DNTT: variants seen among roughly 807,000 people sequenced by gnomAD.
The protein encoded by DNTT is nucleosidetriphosphate:DNA deoxynucleotidylexotransferase.
DNTT carries 47 observed loss-of-function variants against 60.9 expected under a neutral mutation model. The observed-to-expected ratio is 0.77, with a 90% confidence interval of 0.61 to 0.98. DNTT has a LOEUF of 0.98. DNTT is among the 50% of genes least tolerant of loss of function. The pLI, the probability that DNTT is intolerant of heterozygous loss-of-function variation, is 0.00. For synonymous variants in DNTT, 224 were observed against 221.2 expected, an observed-to-expected ratio of 1.01 and a Z score of -0.11; for missense variants, 665 against 627.5, an observed-to-expected ratio of 1.06 and a Z score of -0.64.
In DNTT at chr10:96,335,913, G is replaced by T. The variant is rs779846062; in HGVS notation, c.1382G>T (p.Arg461Leu). ...GSRQFERDLR[R>L]YATHERKMIL... ...CAGCAGTTTGAGAGAGACCTCCGGC[G>T]CTATGCCACACATGAGCGGAAGATG... The change falls in exon 10 of 11, where the codon CGC becomes CTC. Residue 461 changes from arginine (R) to leucine (L), a missense_variant. Physicochemically the swap from Arg to Leu is moderately radical, Grantham distance 102. Coordinates refer to ENST00000371174, the MANE Select transcript of DNTT (RefSeq NM_004088.4). The T allele has an allele frequency of 1.2e-6, 2 of 1,614,110 alleles. No individual in the cohort carries two copies. The highest frequency in any genetic ancestry group is 2.2e-5 in the East Asian group (1 of 44,890).
intron 9 of DNTT, among the ~76,000 whole-genome samples, chr10:96,333,469 G>A (rs1845031629): frequency 1.3e-5 from 2 of 152,320 alleles, no homozygotes; most frequent in South Asian, 2.1e-4. Flanking sequence ...TGGGTATATA[G>A]CCAAAGGAAA....
At chr10:96,333,760 C>G (rs1196055320) in intron 9 of DNTT, among the ~76,000 whole-genome samples, 2 of 152,048 alleles carry the variant, frequency 1.3e-5, no homozygotes, top group East Asian at 3.9e-4. Context: ...TATGTAGAAT[C>G]TAAAACAGTC....
chr10:96,336,169 A>G (rs570555383), intron 10 of DNTT, among the ~76,000 whole-genome samples, 195 bp downstream of exon 10: 2 of 152,336 alleles, frequency 1.3e-5, no homozygotes, highest in South Asian at 4.1e-4. Flanking sequence ...CCAGAATGCA[A>G]TTCGAGAGAT....
chr10:96,323,255 T>C (rs6584068), intron 5 of DNTT, among the ~76,000 whole-genome samples: 141,586 of 152,092 alleles, frequency 0.93, 66,726 homozygotes, highest in East Asian at 1. Context: ...GCTGAGATCA[T>C]GCCACTGTAC....
Position 96,332,351 on chromosome 10 carries a change from G to C in DNTT, c.1114G>C (p.Gly372Arg). Residue 372 changes from glycine (G) to arginine (R), a missense_variant and splice_region_variant, in exon 9 of 11, where the codon GGA becomes CGA. Gly to Arg is a moderately radical substitution (Grantham distance 125). Transcript: ENST00000371174. ...CTGATGCCATTCTGTTTCTTTTCAGGGATTACTTTTATATTATGACCTTGT... is the reference window on the plus strand; with the variant it reads ...CTGATGCCATTCTGTTTCTTTTCAGCGATTACTTTTATATTATGACCTTGT... Reference protein sequence around the residue: ...QKVMNLWEKKGLLLYYDLVES... With the variant: ...QKVMNLWEKKRLLLYYDLVES... 6.2e-7 allele frequency: 1 copy of C among 1,611,934 alleles called. No individual in the cohort carries two copies. Among genetic ancestry groups the C allele is most frequent in the Non-Finnish European group, 8.5e-7 (1 of 1,178,376 alleles).
chr10:96,305,248 G>A (rs897742143), intron 1 of DNTT, among the ~76,000 whole-genome samples: 3 of 152,160 alleles, frequency 2.0e-5, no homozygotes, highest in Non-Finnish European at 2.9e-5. Context: ...CTTAGAAAGA[G>A]AGATGCTAGG....
At chr10:96,314,996 A>C (rs1448674235) in intron 1 of DNTT, among the ~76,000 whole-genome samples, 1 of 152,194 alleles carries the variant, frequency 6.6e-6, no homozygotes, top group Non-Finnish European at 1.5e-5. Context: ...CGGAGCTGAA[A>C]GTGAACAACA....
chr10:96,304,716 T>A lies in DNTT; in HGVS notation c.203+16T>A. On this transcript the variant is annotated intron_variant, in intron 1 of 10. Transcript: ENST00000371174. ...ATGAGCTCAGGTAGGACAGCATCGA[T>A]CTTGCTTTGTAAATAAGCAGAGGCT... 6.2e-7 allele frequency: 1 copy of A among 1,609,918 alleles called. No homozygotes were observed. Among genetic ancestry groups the A allele is most frequent in the Non-Finnish European group, 8.5e-7 (1 of 1,177,628 alleles).
intron 6 of DNTT, among the ~76,000 whole-genome samples, chr10:96,326,634 T>A (rs1461043068): frequency 2.6e-5 from 4 of 152,196 alleles, no homozygotes; most frequent in African/African-American, 9.7e-5. Context: ...CTTAGGCTTT[T>A]CAAAAGAAAG....
At position 96,338,249 on chromosome 10, in the gene DNTT, CT is replaced by C; in HGVS notation, c.*26del. ...GGAAAGTGTTGTCAACATTTTTTTCCTATTCTTTTCAAGTTAAATAAATTAT... is the reference window on the plus strand; with the variant it reads ...GGAAAGTGTTGTCAACATTTTTTTCCATTCTTTTCAAGTTAAATAAATTAT... On this transcript the variant is annotated 3_prime_UTR_variant, in exon 11 of 11. Coordinates refer to ENST00000371174, the MANE Select transcript of DNTT (RefSeq NM_004088.4). 1 of 1,588,884 alleles carries C rather than the reference CT, an allele frequency of 6.3e-7. No homozygotes were observed. Among genetic ancestry groups the C allele is most frequent in the African/African-American group, 1.4e-5 (1 of 73,930 alleles).
chr10:96,304,664 C>T lies in DNTT; in HGVS notation c.167C>T (p.Ala56Val). The change falls in exon 1 of 11, where the codon GCC becomes GTC. Residue 56 changes from alanine (A) to valine (V), a missense_variant. Physicochemically the swap from Ala to Val is moderately conservative, Grantham distance 64. Coordinates refer to ENST00000371174, the MANE Select transcript of DNTT (RefSeq NM_004088.4). ...CGCAGAGCGTTCCTCATGGAGCTGGCCCGCAGGAAAGGGTTCAGGGTTGAA... is the reference window on the plus strand; with the variant it reads ...CGCAGAGCGTTCCTCATGGAGCTGGTCCGCAGGAAAGGGTTCAGGGTTGAA... ...TTRRAFLMEL[A>V]RRKGFRVENE... The T allele has an allele frequency of 1.2e-6, 2 of 1,614,054 alleles. No individual in the cohort carries two copies. The highest frequency in any genetic ancestry group is 1.7e-6 in the Non-Finnish European group (2 of 1,179,996).
At chr10:96,322,111 C>T (rs1217613822) in intron 4 of DNTT, among the ~76,000 whole-genome samples, 1 of 152,036 alleles carries the variant, frequency 6.6e-6, no homozygotes, top group East Asian at 1.9e-4. Flanking sequence ...ATTTACTGAA[C>T]GGTGTTTAGG....
Position 96,320,619 on chromosome 10 carries a change from A to G in DNTT, c.509A>G (p.Asp170Gly). The change falls in exon 4 of 11, where the codon GAT becomes GGT. Residue 170 changes from aspartate to glycine, a missense_variant and splice_region_variant. Physicochemically the swap from Asp to Gly is moderately conservative, Grantham distance 94. Coordinates refer to ENST00000371174, the MANE Select transcript of DNTT (RefSeq NM_004088.4). ...TGCTTATCTGGTTTTATCCTGCAGG[A>G]TGCCTTTGATATACTGGCTGAAAAC... ...TLNNCNQIFT[D>G]AFDILAENCE... 1 of 1,613,504 alleles carries G rather than the reference A, an allele frequency of 6.2e-7. No homozygotes were observed. Among genetic ancestry groups the G allele is most frequent in the Non-Finnish European group, 8.5e-7 (1 of 1,179,608 alleles).
At chr10:96,325,814 T>C (rs1026861682) in intron 6 of DNTT, among the ~76,000 whole-genome samples, 1 of 152,260 alleles carries the variant, frequency 6.6e-6, no homozygotes, top group African/African-American at 2.4e-5. Context: ...AAGGGTAAGC[T>C]AATTGAACAT....
At chr10:96,321,084 G>A (rs142240783) in intron 4 of DNTT, among the ~76,000 whole-genome samples, 30 of 152,210 alleles carry the variant, frequency 2.0e-4, no homozygotes, top group African/African-American at 7.2e-4. Flanking sequence ...CAGAGTTACC[G>A]ATAGTGAATC....
At chr10:96,329,884 C>T (rs1844986017) in intron 8 of DNTT, among the ~76,000 whole-genome samples, 1 of 152,230 alleles carries the variant, frequency 6.6e-6, no homozygotes, top group South Asian at 2.1e-4. Context: ...CTGAGTGCAT[C>T]TCCCTCCTGC....
Position 96,335,960 on chromosome 10 carries a change from T to C in DNTT, c.1429T>C (p.Tyr477His). ...GATGATTCTGGATAACCATGCTTTATATGACAAGACCAAGGTACAGTTCTC... is the reference window on the plus strand; with the variant it reads ...GATGATTCTGGATAACCATGCTTTACATGACAAGACCAAGGTACAGTTCTC... Reference protein sequence around the residue: ...RKMILDNHALYDKTKRIFLKA... With the variant: ...RKMILDNHALHDKTKRIFLKA... Residue 477 changes from tyrosine (Y) to histidine (H), a missense_variant, in exon 10 of 11, where the codon TAT becomes CAT. Coordinates refer to ENST00000371174, the MANE Select transcript of DNTT (RefSeq NM_004088.4). The C allele has an allele frequency of 6.2e-7, 1 of 1,614,186 alleles. No individual in the cohort carries two copies. Among genetic ancestry groups the C allele is most frequent in the Non-Finnish European group, 8.5e-7 (1 of 1,180,010 alleles).
At chr10:96,329,458 G>A (rs1844979385) in intron 8 of DNTT, among the ~76,000 whole-genome samples, 1 of 152,200 alleles carries the variant, frequency 6.6e-6, no homozygotes, top group Non-Finnish European at 1.5e-5. Flanking sequence ...TCTAGTGAGA[G>A]CCTCACTTCC....
chr10:96,324,511 A>G (rs1272674036), intron 6 of DNTT, 122 bp downstream of exon 6: 1 of 1,434,070 alleles, frequency 7.0e-7, no homozygotes, highest in Non-Finnish European at 9.5e-7. Context: ...ATGTCCATTG[A>G]TGCTTGGATC....
Sources: gnomAD v4.1 joint callset for allele counts (sites outside exome capture counted in the v4.1 genomes callset) on GRCh38, gnomAD v4.1.1 for gene constraint, MANE v1.5 for transcripts, NCBI Gene and HGNC (gene_info 2026-07-23, HGNC 2026-07-21) for gene names.